Variants in PHACTR3 observed in about 807,000 individuals in gnomAD.
The protein encoded by PHACTR3 is protein phosphatase 1, regulatory subunit 123.
PHACTR3 carries 16 observed loss-of-function variants against 66.8 expected under a neutral mutation model. That is an observed-to-expected ratio of 0.24 (90% CI 0.16 to 0.36). The LOEUF (loss-of-function observed/expected upper bound fraction) is 0.36. Among genes scored for constraint, PHACTR3 ranks in the 10% least tolerant of loss-of-function variants. The pLI is 1.00. For synonymous variants in PHACTR3, 323 were observed against 292.1 expected (o/e 1.11, Z -1.08); for missense variants, 647 against 719.9 (o/e 0.90, Z 1.16).
chr20:59,622,643 C>G (rs150994239), intron 1 of PHACTR3, among the ~76,000 whole-genome samples: 1 of 152,054 alleles, frequency 6.6e-6, no homozygotes, highest in Non-Finnish European at 1.5e-5. Flanking sequence ...CCCGGCACCT[C>G]GCTGCACACA....
At position 59,830,380 on chromosome 20, in the gene PHACTR3, G is replaced by A. The variant is rs139031914; in HGVS notation, c.1329-6125G>A. ...TCTGATGGAGACGGTGTGAATGTCT[G>A]ATGGAGAGAGCATGAGTGATGAAGA... On this transcript the variant is annotated intron_variant, in intron 8 of 12. Transcript: ENST00000371015. The surrounding 1 kb of genome is among the most constrained non-coding windows in gnomAD (Gnocchi z 5.8). Among the ~76,000 whole-genome samples, 677 of 152,148 alleles carry A rather than the reference G, an allele frequency of 4.4e-3. 2 individuals carry two copies. The highest frequency in any genetic ancestry group is 7.4e-3 in the Non-Finnish European group (503 of 67,968).
At chr20:59,838,686 G>GC (rs1209547355) in intron 9 of PHACTR3, among the ~76,000 whole-genome samples, 1 of 152,278 alleles carries the variant, frequency 6.6e-6, no homozygotes, top group East Asian at 1.9e-4. Flanking sequence ...CTTAACTACT[G>GC]CATCAGAAGC....
chr20:59,644,012 G>A (rs2035193674), intron 1 of PHACTR3, among the ~76,000 whole-genome samples: 2 of 152,194 alleles, frequency 1.3e-5, no homozygotes, highest in African/African-American at 4.8e-5. Context: ...CTCAAGGGCA[G>A]CAAGAGACCT....
intron 1 of PHACTR3, among the ~76,000 whole-genome samples, chr20:59,674,110 G>A (rs757681165): frequency 1.4e-4 from 21 of 152,132 alleles, no homozygotes; most frequent in Non-Finnish European, 2.1e-4. Flanking sequence ...AGCCAGCCTC[G>A]GCTGTCAGTG....
intron 7 of PHACTR3, among the ~76,000 whole-genome samples, chr20:59,788,336 G>T (rs1217906447): frequency 6.6e-6 from 1 of 152,130 alleles, no homozygotes; most frequent in Non-Finnish European, 1.5e-5. Flanking sequence ...TTCCCTTTCA[G>T]ACTGAGGGAT....
Position 59,806,285 on chromosome 20 carries a change from C to T in PHACTR3, c.1328+91C>T, listed in dbSNP as rs557622159. 8.2e-5 allele frequency: 123 copies of T among 1,499,570 alleles called. 2 individuals are homozygous for T. In the East Asian group the frequency reaches 2.1e-3, roughly 26 times the overall value. 92.9% of individuals were successfully genotyped at this position (1,499,570 alleles called of 1,614,324 possible). A position where few individuals can be genotyped will look rare whatever the true frequency, so the allele number is the denominator to read the frequency against. The stretch of plus-strand genomic sequence containing the variant: ...ATCCCACATCCTGGGTGTGCCAGGC[C>T]GGGACGCACAACCCACCGTCTGCAG... On this transcript the variant is annotated intron_variant, in intron 8 of 12. Coordinates refer to ENST00000371015, the MANE Select transcript of PHACTR3 (RefSeq NM_080672.5).
At chr20:59,838,297 T>C (rs2058999600) in intron 9 of PHACTR3, among the ~76,000 whole-genome samples, 1 of 152,196 alleles carries the variant, frequency 6.6e-6, no homozygotes, top group Non-Finnish European at 1.5e-5. Context: ...TCATAGGCTC[T>C]AGATACACAG....
intron 1 of PHACTR3, among the ~76,000 whole-genome samples, chr20:59,735,883 C>G (rs2038927028): frequency 6.6e-6 from 1 of 152,178 alleles, no homozygotes; most frequent in Admixed American, 6.5e-5. Flanking sequence ...AAGGGATTGG[C>G]CCTGCACCAG....
At chr20:59,604,370 C>T (rs1043959596), upstream of PHACTR3, among the ~76,000 whole-genome samples, 3 of 152,016 alleles carry the variant, frequency 2.0e-5, no homozygotes, top group Non-Finnish European at 4.4e-5. Context: ...GGCTCCTAAC[C>T]CGGGGTCCAG....
chr20:59,789,085 C>T (rs748906249), intron 7 of PHACTR3, among the ~76,000 whole-genome samples: 4 of 152,186 alleles, frequency 2.6e-5, no homozygotes, highest in Non-Finnish European at 5.9e-5. Context: ...AGGACTGTTT[C>T]GAGGCATTGA....
At chr20:59,622,890 A>G (rs1830756373) in intron 1 of PHACTR3, among the ~76,000 whole-genome samples, 1 of 149,878 alleles carries the variant, frequency 6.7e-6, no homozygotes, top group African/African-American at 2.5e-5. Context: ...ATCCTGTTGG[A>G]GCAAAACCCC....
chr20:59,674,742 C>T (rs1330451740), intron 1 of PHACTR3, among the ~76,000 whole-genome samples: 1 of 86,648 alleles, frequency 1.2e-5, no homozygotes, highest in Non-Finnish European at 2.3e-5. Flanking sequence ...CCTGTTCCCC[C>T]CTTCTCTGGT....
At chr20:59,637,077 G>A (rs530541412) in intron 1 of PHACTR3, among the ~76,000 whole-genome samples, 3 of 152,324 alleles carry the variant, frequency 2.0e-5, no homozygotes, top group Middle Eastern at 3.4e-3. Context: ...TGCTCCTCAG[G>A]CTCCCTGTGG....
At chr20:59,743,059 CAT>C (rs1386102279) in intron 1 of PHACTR3, 46 bp from the exon 2 acceptor site, 1 of 1,586,840 alleles carries the variant, frequency 6.3e-7, no homozygotes, top group South Asian at 1.1e-5. Context: ...CCAGGAGTCA[CAT>C]AGGTTTGGTG....
chr20:59,750,723 T>C lies in PHACTR3; in HGVS notation c.358+2888T>C, dbSNP rs190002089. On this transcript the variant is annotated intron_variant, in intron 3 of 12. Coordinates refer to ENST00000371015, the MANE Select transcript of PHACTR3 (RefSeq NM_080672.5). ...GCCCGAGTGTCTCTGCAGGGAAATATCAGGGACCGGGCAGCAGGGGTTGCT... is the reference window on the plus strand; with the variant it reads ...GCCCGAGTGTCTCTGCAGGGAAATACCAGGGACCGGGCAGCAGGGGTTGCT... Among the ~76,000 whole-genome samples the C allele has an allele frequency of 7.7e-4, 117 of 152,250 alleles. 1 individual carries two copies. Among genetic ancestry groups the C allele is most frequent in the Admixed American group, 2.9e-3 (45 of 15,304 alleles).
chr20:59,683,470 T>C (rs950323380), intron 1 of PHACTR3, among the ~76,000 whole-genome samples: 4 of 150,242 alleles, frequency 2.7e-5, no homozygotes, highest in Non-Finnish European at 5.9e-5. Context: ...CCAAATACTT[T>C]CTTTTAAACC....
chr20:59,827,633 A>G (rs1237750072), intron 8 of PHACTR3, among the ~76,000 whole-genome samples: 4 of 152,088 alleles, frequency 2.6e-5, no homozygotes, highest in Non-Finnish European at 4.4e-5. Flanking sequence ...GAGACACTGG[A>G]GAGTCTGGGA....
At chr20:59,707,080 T>C (rs1001053516) in intron 1 of PHACTR3, among the ~76,000 whole-genome samples, 1 of 152,200 alleles carries the variant, frequency 6.6e-6, no homozygotes, top group Non-Finnish European at 1.5e-5. Context: ...GAGGCATTGA[T>C]TGGTTCACCG....
chr20:59,744,477 C>T (rs528087073), intron 2 of PHACTR3, among the ~76,000 whole-genome samples: 21 of 152,312 alleles, frequency 1.4e-4, no homozygotes, highest in African/African-American at 4.8e-4. Flanking sequence ...CTGGCGAGTG[C>T]CCGTCTCAGG....
Sources: gnomAD v4.1 joint callset for allele counts (sites outside exome capture counted in the v4.1 genomes callset) on GRCh38, gnomAD v4.1.1 for gene constraint, Gnocchi (gnomAD v3.1) non-coding constraint, MANE v1.5 for transcripts, NCBI Gene and HGNC (gene_info 2026-07-23, HGNC 2026-07-21) for gene names.